Variants in GSE1 observed in about 807,000 individuals in gnomAD.
GSE1 encodes the protein genetic suppressor element 1.
In GSE1, 32 loss-of-function variants were observed where a neutral mutation model predicts 112.6. The observed-to-expected ratio is 0.28, with a 90% CI of 0.21 to 0.38. The LOEUF is 0.38. Among genes scored for constraint, GSE1 ranks in the 10% least tolerant of loss-of-function variants. GSE1 has a pLI of 1.00. For missense variants in GSE1, 2,348 were observed against 1,699.2 expected (o/e 1.38, Z -6.71); for synonymous variants, 1,115 against 735.6 (o/e 1.52, Z -8.35).
chr16:85,486,295 TCACA>T (rs141200653), intron 2 of GSE1, among the ~76,000 whole-genome samples: 3,833 of 102,636 alleles, frequency 0.037, 64 homozygotes, highest in South Asian at 0.068. Flanking sequence ...TCACCTGCTC[TCACA>T]CACACGTACG....
At chr16:85,543,503 T>C (rs1033574647) in intron 2 of GSE1, among the ~76,000 whole-genome samples, 12 of 152,126 alleles carry the variant, frequency 7.9e-5, no homozygotes, top group Non-Finnish European at 2.9e-5. Flanking sequence ...TTCCCCATGT[T>C]TTTTGCATGA....
chr16:85,635,638 G>C (rs1225408793), intron 2 of GSE1, among the ~76,000 whole-genome samples: 1 of 152,222 alleles, frequency 6.6e-6, no homozygotes, highest in African/African-American at 2.4e-5. Flanking sequence ...TGCTGCTGCA[G>C]TTGTCTTTTT....
intron 2 of GSE1, among the ~76,000 whole-genome samples, chr16:85,537,738 G>T (rs1031347980): frequency 1.3e-5 from 2 of 152,260 alleles, no homozygotes; most frequent in Non-Finnish European, 2.9e-5. Context: ...AGAGGCCCTG[G>T]CGAGAAAGAT....
intron 2 of GSE1, among the ~76,000 whole-genome samples, chr16:85,400,623 C>G (rs2048082726): frequency 3.6e-5 from 1 of 27,882 alleles, no homozygotes; most frequent in South Asian, 3.3e-3. Context: ...TTGCATGTCT[C>G]TGTGTGTCTG....
intron 1 of GSE1, among the ~76,000 whole-genome samples, chr16:85,173,556 G>A (rs974920662): frequency 1.3e-5 from 2 of 152,216 alleles, no homozygotes; most frequent in Non-Finnish European, 2.9e-5. Context: ...GCGAGGTGCT[G>A]GCTTGCAGGC....
chr16:85,223,397 C>A (rs538588037), intron 1 of GSE1, among the ~76,000 whole-genome samples: 137 of 151,726 alleles, frequency 9.0e-4, no homozygotes, highest in Non-Finnish European at 1.3e-3. Context: ...ATGTCCTGAG[C>A]CTGTAATCCC....
chr16:85,229,595 T>C (rs539437820), intron 1 of GSE1, among the ~76,000 whole-genome samples: 1 of 152,336 alleles, frequency 6.6e-6, no homozygotes, highest in East Asian at 1.9e-4. Context: ...GTTCCGAAAC[T>C]TGCCTGAGGT....
chr16:85,239,050 C>T (rs1246951164), intron 1 of GSE1, among the ~76,000 whole-genome samples: 1 of 152,154 alleles, frequency 6.6e-6, no homozygotes, highest in Non-Finnish European at 1.5e-5. Context: ...GCCTCAGCCT[C>T]CCGAGCAGCT....
chr16:85,605,928 C>G (rs2047684360), intron 1 of GSE1, among the ~76,000 whole-genome samples: 1 of 152,102 alleles, frequency 6.6e-6, no homozygotes, highest in African/African-American at 2.4e-5. Flanking sequence ...AGAAAAGTTG[C>G]AAGGAGGAGA....
At chr16:85,279,755 G>A (rs771718898) in intron 1 of GSE1, among the ~76,000 whole-genome samples, 3 of 152,098 alleles carry the variant, frequency 2.0e-5, no homozygotes, top group East Asian at 1.9e-4. Context: ...TATGGGAGGC[G>A]GTGTTTTCTC....
intron 2 of GSE1, among the ~76,000 whole-genome samples, chr16:85,496,032 A>G (rs2051164928): frequency 6.6e-6 from 1 of 152,182 alleles, no homozygotes; most frequent in African/African-American, 2.4e-5. Context: ...AACCTCGGGA[A>G]TCGATTGTTC....
intron 1 of GSE1, among the ~76,000 whole-genome samples, chr16:85,350,799 C>T (rs762216549): frequency 7.2e-5 from 11 of 152,256 alleles, no homozygotes; most frequent in African/African-American, 1.7e-4. Context: ...TTCTTCGAGA[C>T]GGACTCTTGC....
chr16:85,325,947 C>T (rs1355859064), intron 1 of GSE1, among the ~76,000 whole-genome samples: 5 of 151,854 alleles, frequency 3.3e-5, no homozygotes, highest in Non-Finnish European at 5.9e-5. Context: ...GGGGGTTTCA[C>T]CATGTTGGTC....
intron 1 of GSE1, among the ~76,000 whole-genome samples, chr16:85,206,683 G>A (rs572074064): frequency 0.015 from 641 of 41,712 alleles, 3 homozygotes; most frequent in African/African-American, 0.053. Flanking sequence ...TCCCCTCCCC[G>A]GCTGGGCCCC....
chr16:85,605,262 T>G (rs1472899535), intron 1 of GSE1, among the ~76,000 whole-genome samples: 1 of 151,484 alleles, frequency 6.6e-6, no homozygotes, highest in Non-Finnish European at 1.5e-5. Context: ...ATTCTTGGAG[T>G]GTGTGTGACA....
chr16:85,553,253 G>T (rs2045018855), upstream of GSE1, among the ~76,000 whole-genome samples: 1 of 149,726 alleles, frequency 6.7e-6, no homozygotes, highest in South Asian at 2.1e-4. Flanking sequence ...GGGGCAGGGA[G>T]GGCAGGTGCC....
intron 1 of GSE1, among the ~76,000 whole-genome samples, chr16:85,275,753 G>A (rs1289384835): frequency 6.6e-6 from 1 of 152,216 alleles, no homozygotes; most frequent in Non-Finnish European, 1.5e-5. Flanking sequence ...TGGAAACCAA[G>A]CGAAGGGATG....
chr16:85,566,756 C>A (rs571901111), intron 1 of GSE1, among the ~76,000 whole-genome samples: 1 of 152,204 alleles, frequency 6.6e-6, no homozygotes. Context: ...TAACTTCTGT[C>A]GTCTTGGTAA....
At chr16:85,643,215 A>G (rs1391872323) in intron 2 of GSE1, among the ~76,000 whole-genome samples, 6 of 152,216 alleles carry the variant, frequency 3.9e-5, no homozygotes, top group African/African-American at 1.4e-4. Context: ...GTCATCTCCA[A>G]TCCAGATCCG....
Sources: gnomAD v4.1 joint callset for allele counts (sites outside exome capture counted in the v4.1 genomes callset) on GRCh38, gnomAD v4.1.1 for gene constraint, MANE v1.5 for transcripts, NCBI Gene and HGNC (gene_info 2026-07-23, HGNC 2026-07-21) for gene names.